Variants in NUDT6 observed in about 807,000 individuals in gnomAD.
NUDT6 encodes the protein nudix hydrolase 6.
In NUDT6, 24 loss-of-function variants were observed where a neutral mutation model predicts 36.8. The observed-to-expected ratio is 0.65, with a 90% CI of 0.47 to 0.92. The LOEUF (loss-of-function observed/expected upper bound fraction) is 0.92, where lower values mean the gene tolerates loss of function less well. Ranked by LOEUF, NUDT6 falls within the 40% of genes least tolerant of loss-of-function variation. The pLI is 0.00. For missense variants in NUDT6, 388 were observed against 392.8 expected (o/e 0.99, Z 0.10); for synonymous variants, 163 against 157.0 (o/e 1.04, Z -0.29).
intron 3 of NUDT6, among the ~76,000 whole-genome samples, chr4:122,900,877 T>C (rs1049598698): frequency 2.0e-5 from 3 of 152,280 alleles, no homozygotes; most frequent in Admixed American, 2.0e-4. Context: ...TGGCATGGAA[T>C]TTATTTCTTA....
chr4:122,899,044 A>ATTTTTTTTTTTT (rs113708696), intron 3 of NUDT6, among the ~76,000 whole-genome samples: 712 of 69,372 alleles, frequency 0.01, 109 homozygotes, highest in East Asian at 0.045. Context: ...ACCACACCTA[A>ATTTTTTTTTTTT]TTTTTTTTTT....
At position 122,922,414 on chromosome 4, in the gene NUDT6, G is replaced by A. The variant is rs370115259; in HGVS notation, c.159C>T (p.Phe53=). The change falls in exon 1 of 5, where the codon TTC becomes TTT. Residue 53 remains phenylalanine (F), a synonymous_variant. Transcript: ENST00000304430. ...GCGCCAGGCGCACCGAGATGCCCCCGAATCTGTCCAGCTCGCCCTGCAGAT... is the reference window on the plus strand; with the variant it reads ...GCGCCAGGCGCACCGAGATGCCCCCAAATCTGTCCAGCTCGCCCTGCAGAT... ...ACDLQGELDR[F]GGISVRLARL... is the part of the protein sequence containing the mutation. 2.5e-5 allele frequency: 41 copies of A among 1,611,220 alleles called. No individual in the cohort carries two copies. Among genetic ancestry groups the A allele is most frequent in the Non-Finnish European group, 3.2e-5 (38 of 1,179,856 alleles).
intron 1 of NUDT6, chr4:122,921,470 C>CCTGTAGT (rs1578503028): frequency 6.6e-6 from 1 of 151,890 alleles, no homozygotes; most frequent in Non-Finnish European, 1.5e-5. Context: ...CAGATGCGCG[C>CCTGTAGT]CTGTAGTCCT....
chr4:122,899,346 G>A (rs189845546), intron 3 of NUDT6, among the ~76,000 whole-genome samples: 2 of 152,094 alleles, frequency 1.3e-5, no homozygotes, highest in African/African-American at 4.8e-5. Context: ...CATAAGGATT[G>A]AAAACAGCTC....
In NUDT6 at chr4:122,893,159, C is replaced by A. The variant is rs1442589239; in HGVS notation, c.620G>T (p.Ser207Ile). 3 of 1,614,152 alleles carry A rather than the reference C, an allele frequency of 1.9e-6. No individual in the cohort carries two copies. In the East Asian group the frequency reaches 6.7e-5, roughly 36 times the overall value. The change falls in exon 5 of 5, where the codon AGT becomes ATT. Residue 207 changes from serine (S) to isoleucine (I), a missense_variant. Ser to Ile is a moderately radical substitution (Grantham distance 142). Coordinates refer to ENST00000304430, the MANE Select transcript of NUDT6 (RefSeq NM_007083.5). The stretch of plus-strand genomic sequence containing the variant: ...AGGATTTGTGTGCTGTTGCCGAATA[C>A]TCAGGACGGACCTGAATTCTGATTT... The part of the protein sequence containing the change: ...GIKSEFRSVL[S>I]IRQQHTNPGA...
intron 3 of NUDT6, among the ~76,000 whole-genome samples, chr4:122,911,682 T>A (rs1727735726): frequency 6.6e-6 from 1 of 152,202 alleles, no homozygotes; most frequent in Non-Finnish European, 1.5e-5. Context: ...ACATATGTGG[T>A]GGGGAAAAAT....
At chr4:122,921,619 C>CAAACAAACAAACAAAAAAAA (rs1491439818) in intron 1 of NUDT6, 6 of 48,006 alleles carry the variant, frequency 1.2e-4, no homozygotes, top group African/African-American at 3.0e-4. Context: ...AAAAAAAAAA[C>CAAACAAACAAACAAAAAAAA]AAACTGTACA....
intron 3 of NUDT6, among the ~76,000 whole-genome samples, chr4:122,905,220 G>T (rs1176658637): frequency 6.6e-6 from 1 of 152,164 alleles, no homozygotes; most frequent in East Asian, 1.9e-4. Context: ...GTCCCCACTC[G>T]ATCTGGGAAG....
chr4:122,913,520 A>G (rs56187431), intron 2 of NUDT6, among the ~76,000 whole-genome samples: 8,143 of 152,232 alleles, frequency 0.053, 525 homozygotes, highest in African/African-American at 0.16. Context: ...AAATGAATTG[A>G]CTTCTCATTT....
rs776792749 is a variant in NUDT6, at chr4:122,922,560, G to GCAGCGGCCCCAGC, written c.12_13insGCTGGGGCCGCTG (p.Leu5AlafsTer90). On this transcript the variant is annotated frameshift_variant, in exon 1 of 5. Coordinates refer to ENST00000304430, the MANE Select transcript of NUDT6 (RefSeq NM_007083.5). LOFTEE classifies it high-confidence loss of function. ...ATCGCGCGCCAGCGGCCCCAGCTCA[G>GCAGCGGCCCCAGC]TGGCTGCCGCATCTCCACGCCGCTT... 6.3e-7 allele frequency: 1 copy of GCAGCGGCCCCAGC among 1,599,112 alleles called. No individual in the cohort carries two copies. The highest frequency in any genetic ancestry group is 1.7e-5 in the Admixed American group (1 of 59,670).
intron 2 of NUDT6, among the ~76,000 whole-genome samples, chr4:122,914,499 A>AGCGACCTCTGC (rs1272390792): frequency 6.6e-6 from 1 of 152,224 alleles, no homozygotes; most frequent in Non-Finnish European, 1.5e-5. Flanking sequence ...GCACAATTTG[A>AGCGACCTCTGC]GCGACCTCTG....
chr4:122,912,579 C>T lies in NUDT6; in HGVS notation c.487G>A (p.Asp163Asn). Reference protein sequence around the residue: ...ESTRKILVVQDRNKLKNMWKF... With the variant: ...ESTRKILVVQNRNKLKNMWKF... Reference sequence around the variant, plus strand: ...CAGAAGCAGCTTACTTTATTTCGATCTTGTACAACCAGTATTTTTCTAGTA... The same window carrying T: ...CAGAAGCAGCTTACTTTATTTCGATTTTGTACAACCAGTATTTTTCTAGTA... The change falls in exon 3 of 5, where the codon GAT becomes AAT. Residue 163 changes from aspartate to asparagine, a missense_variant. Coordinates refer to ENST00000304430, the MANE Select transcript of NUDT6 (RefSeq NM_007083.5). 3 of 1,592,218 alleles carry T rather than the reference C, an allele frequency of 1.9e-6. No individual in the cohort carries two copies. Among genetic ancestry groups the T allele is most frequent in the Non-Finnish European group, 2.6e-6 (3 of 1,161,056 alleles).
intron 3 of NUDT6, among the ~76,000 whole-genome samples, chr4:122,903,425 G>C (rs1258992597): frequency 6.6e-6 from 1 of 152,176 alleles, no homozygotes; most frequent in African/African-American, 2.4e-5. Flanking sequence ...CTAGTTTAGT[G>C]GTTCTCAAAC....
chr4:122,922,349 TG>T lies in NUDT6; in HGVS notation c.223del (p.Gln75ArgfsTer51), dbSNP rs772303742. The T allele has an allele frequency of 6.2e-7, 1 of 1,601,766 alleles. No homozygotes were observed. The highest frequency in any genetic ancestry group is 1.1e-5 in the South Asian group (1 of 90,492). ...ALDRLDAAAF[Q>X]KGLQAAVQQW... ...GGCGCACTTGCCCTGCAAGCCCTTC[TG>T]GAAGGCGGCAGCGTCCAGGCGGTCC... On this transcript the variant is annotated frameshift_variant, in exon 1 of 5. Transcript: ENST00000304430. LOFTEE classifies it high-confidence loss of function.
intron 4 of NUDT6, 60 bp downstream of exon 4, chr4:122,897,564 A>G: frequency 8.3e-7 from 1 of 1,200,856 alleles, no homozygotes; most frequent in South Asian, 1.2e-5. Context: ...AAAGCAAGAA[A>G]GTAAACACAT....
chr4:122,905,394 G>C (rs1182084766), intron 3 of NUDT6, among the ~76,000 whole-genome samples: 1 of 152,008 alleles, frequency 6.6e-6, no homozygotes, highest in Non-Finnish European at 1.5e-5. Context: ...CATCTTCCAG[G>C]GTTTTAGATC....
At chr4:122,899,893 T>C (rs920181031) in intron 3 of NUDT6, among the ~76,000 whole-genome samples, 59 of 151,990 alleles carry the variant, frequency 3.9e-4, no homozygotes, top group African/African-American at 1.3e-3. Flanking sequence ...ATCACAGATA[T>C]CCAATGAAAG....
chr4:122,904,416 G>T (rs1197885660), intron 3 of NUDT6, among the ~76,000 whole-genome samples: 1 of 151,724 alleles, frequency 6.6e-6, no homozygotes, highest in Non-Finnish European at 1.5e-5. Flanking sequence ...CCTCCACCCA[G>T]TTCTAAGTTG....
At chr4:122,906,233 G>A (rs1472868793) in intron 3 of NUDT6, among the ~76,000 whole-genome samples, 2 of 152,130 alleles carry the variant, frequency 1.3e-5, no homozygotes, top group Non-Finnish European at 2.9e-5. Flanking sequence ...TTTAAATGGT[G>A]CCATGGAGGT....
Sources: gnomAD v4.1 joint callset for allele counts (sites outside exome capture counted in the v4.1 genomes callset) on GRCh38, gnomAD v4.1.1 for gene constraint, MANE v1.5 for transcripts, NCBI Gene and HGNC (gene_info 2026-07-23, HGNC 2026-07-21) for gene names.